Variants in SLC5A8 observed in about 807,000 individuals in gnomAD.
The protein encoded by SLC5A8 is sodium-coupled monocarboxylate transporter 1.
A neutral mutation model predicts 71.9 loss-of-function variants in SLC5A8; 55 were observed. The ratio of observed to expected loss-of-function variants is 0.77; its 90% CI spans 0.62 to 0.96. SLC5A8 has a LOEUF of 0.96. Ranked by LOEUF, SLC5A8 falls within the 40% of genes least tolerant of loss-of-function variation. The pLI is 0.00. For synonymous variants in SLC5A8, 307 were observed against 276.1 expected (o/e 1.11, Z -1.11); for missense variants, 701 against 745.3 (o/e 0.94, Z 0.69).
chr12:101,166,493 C>T lies in SLC5A8; in HGVS notation c.1526+1G>A, dbSNP rs910456897. ...TAATGTAATAAAACTTAATTCAATACCTTTGAACATTGTATATTTGAAAAA... is the reference window on the plus strand; with the variant it reads ...TAATGTAATAAAACTTAATTCAATATCTTTGAACATTGTATATTTGAAAAA... On this transcript the variant is annotated splice_donor_variant, in intron 12 of 14. Coordinates refer to ENST00000536262, the MANE Select transcript of SLC5A8 (RefSeq NM_145913.5). LOFTEE classifies it high-confidence loss of function. The T allele has an allele frequency of 3.1e-6, 5 of 1,611,302 alleles. No homozygotes were observed. The South Asian group carries it at 5.5e-5, about 18-fold the overall frequency.
chr12:101,194,972 T>C, intron 4 of SLC5A8, 123 bp downstream of exon 4: 4 of 834,886 alleles, frequency 4.8e-6, no homozygotes, highest in South Asian at 3.3e-5. Context: ...AAAGTTACAC[T>C]GCAGGAGGTT....
intron 9 of SLC5A8, among the ~76,000 whole-genome samples, chr12:101,181,423 G>T (rs1372716547): frequency 6.6e-6 from 1 of 152,160 alleles, no homozygotes; most frequent in African/African-American, 2.4e-5. Context: ...TCAAGATTGT[G>T]ATTTCATAGT....
At chr12:101,164,156 T>C (rs1230819485) in intron 12 of SLC5A8, among the ~76,000 whole-genome samples, 1 of 152,060 alleles carries the variant, frequency 6.6e-6, no homozygotes, top group Non-Finnish European at 1.5e-5. Flanking sequence ...ACAAAAAAAG[T>C]ATCATTAAAA....
intron 10 of SLC5A8, among the ~76,000 whole-genome samples, chr12:101,171,809 C>A (rs1037799320): frequency 1.6e-4 from 25 of 152,086 alleles, no homozygotes; most frequent in Non-Finnish European, 3.2e-4. Flanking sequence ...ACCTCAGTGC[C>A]AAGTAATTGG....
At chr12:101,183,676 A>G (rs902213902) in intron 8 of SLC5A8, among the ~76,000 whole-genome samples, 3 of 152,230 alleles carry the variant, frequency 2.0e-5, no homozygotes, top group Admixed American at 6.5e-5. Context: ...ATTCTCTGGA[A>G]CAAACGCAAG....
chr12:101,157,992 A>G (rs542348156), intron 14 of SLC5A8, among the ~76,000 whole-genome samples: 1 of 152,352 alleles, frequency 6.6e-6, no homozygotes, highest in Admixed American at 6.5e-5. Flanking sequence ...AGGAAAGAGG[A>G]TATGCAACAG....
At chr12:101,208,664 T>C (rs1869778238) in intron 1 of SLC5A8, among the ~76,000 whole-genome samples, 2 of 152,202 alleles carry the variant, frequency 1.3e-5, no homozygotes, top group Non-Finnish European at 1.5e-5. Flanking sequence ...TTTCCTTAAT[T>C]GTCTTTCCAT....
Position 101,209,911 on chromosome 12 carries a change from C to T in SLC5A8, c.-63G>A, listed in dbSNP as rs111235568. 5.7e-6 allele frequency: 8 copies of T among 1,397,630 alleles called. No homozygotes were observed. In the East Asian group the frequency reaches 1.3e-4, roughly 23 times the overall value. The allele number at this position is 1,397,630 out of a possible 1,614,324, so 86.6% of individuals were successfully genotyped here. A position where few individuals can be genotyped will look rare whatever the true frequency, so the allele number is the denominator to read the frequency against. On this transcript the variant is annotated 5_prime_UTR_variant, in exon 1 of 15. Transcript: ENST00000536262. ...GGCCCCGCGGCGCGCAGCCGGAGCC[C>T]GGCGCGCACTTCTTATCCCGGATCC...
chr12:101,210,182 A>ATACG lies in SLC5A8; in HGVS notation c.-335_-334insCGTA. The ATACG allele has an allele frequency of 3.4e-6, 1 of 296,416 alleles. No homozygotes were observed. Among genetic ancestry groups the ATACG allele is most frequent in the South Asian group, 1.6e-4 (1 of 6,200 alleles). The allele number at this position is 296,416 out of a possible 1,614,324, so 18.4% of individuals were successfully genotyped here. On this transcript the variant is annotated 5_prime_UTR_variant, in exon 1 of 15. Transcript: ENST00000536262. Reference sequence around the variant, plus strand: ...GGACACCTGAGCAGATGAGAACTGGAGCCTCCAGCTGCTTCCAGCGAATCT... The same window carrying ATACG: ...GGACACCTGAGCAGATGAGAACTGGATACGGCCTCCAGCTGCTTCCAGCGAATCT...
At chr12:101,203,055 T>C (rs1869526115) in intron 2 of SLC5A8, among the ~76,000 whole-genome samples, 1 of 152,208 alleles carries the variant, frequency 6.6e-6, no homozygotes, top group South Asian at 2.1e-4. Context: ...CATTATTCTG[T>C]CCAAGTTGAA....
Position 101,200,103 on chromosome 12 carries a change from C to A in SLC5A8, c.469+2061G>T, listed in dbSNP as rs78194018. Among the ~76,000 whole-genome samples, 929 of 109,936 alleles carry A rather than the reference C, an allele frequency of 8.5e-3. 6 individuals carry two copies. The highest frequency in any genetic ancestry group is 0.014 in the Non-Finnish European group (745 of 55,074). 72.1% of individuals were successfully genotyped at this position (109,936 alleles called of 152,430 possible). On this transcript the variant is annotated intron_variant, in intron 3 of 14. Coordinates refer to ENST00000536262, the MANE Select transcript of SLC5A8 (RefSeq NM_145913.5). ...GTAGCAGCATGAATGAATCTCAAAA[C>A]ATTTTGCTGAGCAAAAGAAACCAGA...
At chr12:101,160,251 C>T (rs1198064047) in intron 13 of SLC5A8, among the ~76,000 whole-genome samples, 3 of 152,104 alleles carry the variant, frequency 2.0e-5, no homozygotes, top group Non-Finnish European at 4.4e-5. Context: ...AATTAATAAA[C>T]CTACTGTACT....
In SLC5A8 at chr12:101,199,107, T is replaced by C. The variant is rs146484840; in HGVS notation, c.469+3057A>G. ...AAAAGTCAGTTGTATTTTTATACAC[T>C]TGCAACGAATAATTGAAAAATAAAA... is the stretch of plus-strand genomic sequence containing the variant. On this transcript the variant is annotated intron_variant, in intron 3 of 14. Coordinates refer to ENST00000536262, the MANE Select transcript of SLC5A8 (RefSeq NM_145913.5). Among the ~76,000 whole-genome samples, 1,473 of 152,006 alleles carry C rather than the reference T, an allele frequency of 9.7e-3. 19 individuals carry two copies. Among genetic ancestry groups the C allele is most frequent in the Middle Eastern group, 0.027 (8 of 294 alleles).
At position 101,155,888 on chromosome 12, in the gene SLC5A8, T is replaced by C. The variant is rs1240304142; in HGVS notation, c.*1391A>G. The C allele has an allele frequency of 6.6e-6, 1 of 150,512 alleles. No homozygotes were observed. The highest frequency in any genetic ancestry group is 1.5e-5 in the Non-Finnish European group (1 of 67,810). 9.3% of individuals were successfully genotyped at this position (150,512 alleles called of 1,614,324 possible). A position where few individuals can be genotyped will look rare whatever the true frequency, so the allele number is the denominator to read the frequency against. On this transcript the variant is annotated 3_prime_UTR_variant, in exon 15 of 15. Transcript: ENST00000536262. ...TACCTAAATAACACGTATCAGAAAA[T>C]AAGCATAAAATTATTTAATCATAAA...
chr12:101,196,284 T>C (rs1039145375), intron 3 of SLC5A8, among the ~76,000 whole-genome samples: 1 of 152,200 alleles, frequency 6.6e-6, no homozygotes, highest in Non-Finnish European at 1.5e-5. Flanking sequence ...AAATGGGATC[T>C]AGATGGAGAA....
chr12:101,182,738 A>G, intron 9 of SLC5A8, 65 bp downstream of exon 9: 1 of 1,185,322 alleles, frequency 8.4e-7, no homozygotes, highest in Non-Finnish European at 1.2e-6. Flanking sequence ...AGTGGAAAAG[A>G]AATTTTTGTG....
intron 10 of SLC5A8, among the ~76,000 whole-genome samples, chr12:101,173,446 G>A (rs1338915529): frequency 6.6e-6 from 1 of 152,182 alleles, no homozygotes; most frequent in East Asian, 1.9e-4. Flanking sequence ...CTGTGGTGTG[G>A]CCAGCGGTAA....
At chr12:101,189,000 T>G (rs1868781973) in intron 6 of SLC5A8, among the ~76,000 whole-genome samples, 1 of 152,204 alleles carries the variant, frequency 6.6e-6, no homozygotes, top group Admixed American at 6.5e-5. Flanking sequence ...ATAGCGTAAG[T>G]GTGAGAAGGC....
intron 7 of SLC5A8, among the ~76,000 whole-genome samples, chr12:101,185,292 T>C (rs1373928182): frequency 6.6e-6 from 1 of 152,164 alleles, no homozygotes; most frequent in Non-Finnish European, 1.5e-5. Context: ...ATCATAAAGG[T>C]TTAACTTTAA....
Sources: allele counts gnomAD v4.1 joint callset (sites outside exome capture counted in the v4.1 genomes callset), GRCh38; gene constraint gnomAD v4.1.1; transcripts MANE v1.5; gene names NCBI Gene and HGNC (gene_info 2026-07-23, HGNC 2026-07-21).